AGO1: variants seen among roughly 807,000 people sequenced by gnomAD.
AGO1 encodes the protein protein argonaute-1.
AGO1 carries 11 observed loss-of-function variants against 109.2 expected under a neutral mutation model. The ratio of observed to expected loss-of-function variants is 0.10; its 90% CI spans 0.06 to 0.17. The LOEUF (loss-of-function observed/expected upper bound fraction) is 0.17, where lower values mean the gene tolerates loss of function less well. AGO1 is among the 10% of genes least tolerant of loss of function. The pLI is 1.00. For synonymous variants in AGO1, 422 were observed against 418.6 expected (o/e 1.01, Z -0.10); for missense variants, 574 against 1,140.3 (o/e 0.50, Z 7.15).
chr1:35,914,076 A>G, intron 13 of AGO1, 75 bp downstream of exon 13: 1 of 1,602,102 alleles, frequency 6.2e-7, no homozygotes, highest in Non-Finnish European at 8.5e-7. Flanking sequence ...GACCCTGGCC[A>G]GGCAGACTGA....
rs1645278907 is a variant in AGO1, at chr1:35,894,362, C to T, written c.832C>T (p.Arg278Cys). The change falls in exon 7 of 19, where the codon CGC (arginine) becomes TGC (cysteine). Residue 278 changes from arginine (R) to cysteine (C), a missense_variant. By Grantham distance (180) the Arg-to-Cys change is radical. This residue lies in a region of AGO1 where 42 missense variants were observed against 142.4 expected (regional missense o/e 0.29). Coordinates refer to ENST00000373204, the MANE Select transcript of AGO1 (RefSeq NM_012199.5). ...CTGTGGACAGATGAAGAGGAAGTAC[C>T]GCGTGTGTAATGTTACCCGTCGCCC... ...THCGQMKRKY[R>C]VCNVTRRPAS... The T allele has an allele frequency of 6.2e-7, 1 of 1,614,008 alleles. No homozygotes were observed. Among genetic ancestry groups the T allele is most frequent in the Non-Finnish European group, 8.5e-7 (1 of 1,180,032 alleles).
At chr1:35,914,089 C>T in intron 13 of AGO1, 88 bp downstream of exon 13, 3 of 1,596,054 alleles carry the variant, frequency 1.9e-6, no homozygotes, top group South Asian at 1.1e-5. Flanking sequence ...CAGACTGAAT[C>T]AGACATAAGG....
intron 12 of AGO1, among the ~76,000 whole-genome samples, chr1:35,913,573 C>A (rs943238725): frequency 5.9e-5 from 9 of 152,154 alleles, no homozygotes; most frequent in Non-Finnish European, 1.3e-4. Context: ...TCAATCATTA[C>A]CTACTCAAGA....
chr1:35,877,161 A>G (rs1644999346), intron 1 of AGO1, among the ~76,000 whole-genome samples: 1 of 152,136 alleles, frequency 6.6e-6, no homozygotes, highest in Non-Finnish European at 1.5e-5. Context: ...GTGAATCTGC[A>G]TAGAGTGTCA....
At chr1:35,905,084 A>G (rs1645495130) in intron 11 of AGO1, among the ~76,000 whole-genome samples, 1 of 152,228 alleles carries the variant, frequency 6.6e-6, no homozygotes, top group Non-Finnish European at 1.5e-5. Context: ...ACATCTCACA[A>G]TACTTTGTGG....
In AGO1 at chr1:35,920,440, A is replaced by G. The variant is rs1030205426; in HGVS notation, c.*833A>G. ...AACCTTTTGTACCTTTCTTTGGGGA[A>G]TGGGGTGGGGGTGGGAGAGGAGGTA... On this transcript the variant is annotated 3_prime_UTR_variant, in exon 19 of 19. Transcript: ENST00000373204. 2 of 147,050 alleles carry G rather than the reference A, an allele frequency of 1.4e-5. No homozygotes were observed. The highest frequency in any genetic ancestry group is 3.0e-5 in the Non-Finnish European group (2 of 66,094). The allele number at this position is 147,050 out of a possible 1,614,324, so 9.1% of individuals were successfully genotyped here.
intron 8 of AGO1, among the ~76,000 whole-genome samples, chr1:35,900,983 CTTTT>C (rs1161684689): frequency 2.8e-5 from 4 of 140,738 alleles, no homozygotes; most frequent in African/African-American, 5.2e-5. Context: ...TTGAATTGCC[CTTTT>C]TTTTTTTTTT....
chr1:35,884,096 C>T (rs370402191), intron 1 of AGO1, among the ~76,000 whole-genome samples: 5 of 152,034 alleles, frequency 3.3e-5, no homozygotes, highest in South Asian at 4.2e-4. Context: ...CACACCCCCC[C>T]GCCCCGCCCC....
chr1:35,876,412 G>A (rs1034020888), intron 1 of AGO1, among the ~76,000 whole-genome samples: 6 of 151,732 alleles, frequency 4.0e-5, no homozygotes, highest in Non-Finnish European at 5.9e-5. Context: ...GACTACAGGC[G>A]CCTGCCACCA....
At chr1:35,883,173 C>G, upstream of AGO1, 2 of 1,149,520 alleles carry the variant, frequency 1.7e-6, no homozygotes, top group Non-Finnish European at 2.1e-6. This position sits in a 1 kb window ranked among gnomAD's most constrained non-coding sequence, Gnocchi z 5.4. Flanking sequence ...TGACTCGTTC[C>G]GGTCCGCCCC....
At chr1:35,877,291 T>C (rs1645000420) in intron 1 of AGO1, among the ~76,000 whole-genome samples, 1 of 152,234 alleles carries the variant, frequency 6.6e-6, no homozygotes, top group Non-Finnish European at 1.5e-5. Flanking sequence ...TGCTTCTTCC[T>C]TCCATTTTTA....
intron 12 of AGO1, among the ~76,000 whole-genome samples, chr1:35,909,995 G>A (rs1396290807): frequency 6.6e-6 from 1 of 151,664 alleles, no homozygotes; most frequent in Non-Finnish European, 1.5e-5. Context: ...CCCTTTCCTG[G>A]GCTCAATTAT....
chr1:35,883,059 C>T, upstream of AGO1: 2 of 1,018,764 alleles, frequency 2.0e-6, no homozygotes, highest in South Asian at 4.6e-5. The surrounding 1 kb of genome is among the most constrained non-coding windows in gnomAD (Gnocchi z 5.4). Flanking sequence ...GGCGCCCTCC[C>T]GCCGGGCTGC....
intron 11 of AGO1, among the ~76,000 whole-genome samples, chr1:35,904,998 T>A (rs1468010989): frequency 6.6e-6 from 1 of 152,162 alleles, no homozygotes; most frequent in East Asian, 1.9e-4. Flanking sequence ...CCCTCAATTT[T>A]TTTCTGGCTA....
In AGO1 at chr1:35,883,457, C is replaced by T; in HGVS notation, c.25+11C>T. 6.4e-7 allele frequency: 1 copy of T among 1,554,004 alleles called. No individual in the cohort carries two copies. Among genetic ancestry groups the T allele is most frequent in the Non-Finnish European group, 8.6e-7 (1 of 1,156,388 alleles). On this transcript the variant is annotated intron_variant, in intron 1 of 18. Transcript: ENST00000373204. The surrounding 1 kb of genome is among the most constrained non-coding windows in gnomAD (Gnocchi z 5.4). ...GACCCTCGGGAGCAGGTAAGGGTCC[C>T]CAGGAGGGGGAACGGTGCATGCTCC...
upstream of AGO1, chr1:35,882,843 C>T: frequency 3.0e-6 from 3 of 985,324 alleles, no homozygotes; most frequent in Non-Finnish European, 3.6e-6. This position sits in a 1 kb window ranked among gnomAD's most constrained non-coding sequence, Gnocchi z 5.1. Flanking sequence ...GAGGCAGGGC[C>T]CCTGGGCGCT....
chr1:35,883,147 G>C (rs532639453), upstream of AGO1: 1 of 1,122,186 alleles, frequency 8.9e-7, no homozygotes, highest in Admixed American at 5.0e-5. This position sits in a 1 kb window ranked among gnomAD's most constrained non-coding sequence, Gnocchi z 5.4. Flanking sequence ...CTTTGTTGCC[G>C]TCGGAGCGCC....
upstream of AGO1, among the ~76,000 whole-genome samples, chr1:35,879,734 C>CAAAAAAAAAAAAAAAAAAAAA (rs71034705): frequency 1.7e-5 from 1 of 57,500 alleles, no homozygotes; most frequent in Non-Finnish European, 2.7e-5. Context: ...GGTTCTGTCT[C>CAAAAAAAAAAAAAAAAAAAAA]AAAAAAAAAA....
At chr1:35,906,621 C>T (rs1645524079) in intron 11 of AGO1, among the ~76,000 whole-genome samples, 1 of 151,834 alleles carries the variant, frequency 6.6e-6, no homozygotes, top group Admixed American at 6.6e-5. Flanking sequence ...CCAGCTTGGG[C>T]AACATAGTGA....
Sources: gnomAD v4.1 joint callset for allele counts (sites outside exome capture counted in the v4.1 genomes callset) on GRCh38, gnomAD v4.1.1 for gene constraint, gnomAD v4.1.1 regional missense constraint, Gnocchi (gnomAD v3.1) non-coding constraint, MANE v1.5 for transcripts, NCBI Gene and HGNC (gene_info 2026-07-23, HGNC 2026-07-21) for gene names.